TRPM3: variants seen among roughly 807,000 people sequenced by gnomAD.
TRPM3 encodes transient receptor potential cation channel subfamily M member 3, also known as long transient receptor potential channel 3.
In TRPM3, 77 loss-of-function variants were observed where a neutral mutation model predicts 181.2. That is an observed-to-expected ratio of 0.42 (90% CI 0.35 to 0.51). TRPM3 has a LOEUF of 0.51. Among genes scored for constraint, TRPM3 ranks in the 20% least tolerant of loss-of-function variants. TRPM3 has a pLI of 0.01. For missense variants in TRPM3, 1,759 were observed against 2,196.7 expected, an observed-to-expected ratio of 0.80 and a Z score of 3.98; for synonymous variants, 745 against 796.4, an observed-to-expected ratio of 0.94 and a Z score of 1.09.
rs553968376 is a variant in TRPM3, at chr9:70,626,776, T to C, written c.1633-1259A>G. Among the ~76,000 whole-genome samples the C allele has an allele frequency of 1.6e-4, 24 of 152,316 alleles. 1 individual carries two copies. The highest frequency in any genetic ancestry group is 5.8e-4 in the African/African-American group (24 of 41,574). ...CAGTCAGAAATTAATTAAAATTTTT[T>C]TGCTAACCTGAGGGTAGGTTTTCAG... On this transcript the variant is annotated intron_variant, in intron 12 of 25. Coordinates refer to ENST00000677713, the MANE Select transcript of TRPM3 (RefSeq NM_001366145.2).
chr9:71,071,705 G>A (rs2133557005), intron 1 of TRPM3, among the ~76,000 whole-genome samples: 1 of 152,296 alleles, frequency 6.6e-6, no homozygotes, highest in Non-Finnish European at 1.5e-5. Context: ...TGACTTTAGT[G>A]CCAAACAGAG....
At chr9:70,940,800 G>T (rs2096878707) in intron 1 of TRPM3, among the ~76,000 whole-genome samples, 1 of 152,098 alleles carries the variant, frequency 6.6e-6, no homozygotes, top group African/African-American at 2.4e-5. Context: ...TTATGCTGAG[G>T]GAGCACCTGG....
At chr9:71,079,005 A>G (rs2063838944) in intron 1 of TRPM3, among the ~76,000 whole-genome samples, 1 of 150,050 alleles carries the variant, frequency 6.7e-6, no homozygotes, top group Non-Finnish European at 1.5e-5. Flanking sequence ...CACCAGTTGA[A>G]TAGAATGAGC....
intron 8 of TRPM3, among the ~76,000 whole-genome samples, chr9:70,699,252 A>G (rs1272950639): frequency 6.6e-6 from 1 of 152,218 alleles, no homozygotes; most frequent in Admixed American, 6.5e-5. Context: ...AGGGCTAAGG[A>G]GACAAAGGTC....
intron 1 of TRPM3, among the ~76,000 whole-genome samples, chr9:71,349,991 ATATATATATATG>A (rs1342792169): frequency 0.018 from 393 of 22,398 alleles, 5 homozygotes; most frequent in African/African-American, 0.033. Flanking sequence ...ATATATATAT[ATATATATATATG>A]GGCCTAAAAA....
intron 1 of TRPM3, among the ~76,000 whole-genome samples, chr9:71,155,558 T>C (rs943708257): frequency 1.4e-5 from 2 of 142,748 alleles, no homozygotes; most frequent in Non-Finnish European, 1.5e-5. Context: ...TTTCACCACG[T>C]TGGCCAGGCT....
intron 1 of TRPM3, among the ~76,000 whole-genome samples, chr9:71,267,649 T>C (rs1230981007): frequency 6.6e-6 from 1 of 152,236 alleles, no homozygotes; most frequent in Non-Finnish European, 1.5e-5. Flanking sequence ...CATATTCTTT[T>C]TGAGTGATTA....
At chr9:70,923,256 C>T (rs542516792) in intron 1 of TRPM3, among the ~76,000 whole-genome samples, 5 of 152,172 alleles carry the variant, frequency 3.3e-5, no homozygotes, top group African/African-American at 1.2e-4. Context: ...CTTTTTAATA[C>T]ATGTTCATGT....
intron 1 of TRPM3, among the ~76,000 whole-genome samples, chr9:71,178,613 T>G (rs1389677919): frequency 6.6e-6 from 1 of 152,146 alleles, no homozygotes; most frequent in East Asian, 1.9e-4. Context: ...ACCATATTTC[T>G]TTAGCATATT....
rs143897323 is a variant in TRPM3, at chr9:71,213,845, A to G, written c.183+232808T>C. On this transcript the variant is annotated intron_variant, in intron 1 of 24. Transcript: ENST00000357533. ...ATGACATCATCCATTGACTTTTAAA[A>G]AGTCAAGAATAACCTACATATTTTT... Among the ~76,000 whole-genome samples the G allele has an allele frequency of 7.2e-5, 11 of 152,336 alleles. No homozygotes were observed. The East Asian group carries it at 2.1e-3, about 29-fold the overall frequency.
chr9:70,598,504 T>C lies in TRPM3; in HGVS notation c.2963A>G (p.Asn988Ser). 6.2e-7 allele frequency: 1 copy of C among 1,614,180 alleles called. No homozygotes were observed. The highest frequency in any genetic ancestry group is 8.5e-7 in the Non-Finnish European group (1 of 1,180,042). Residue 988 changes from asparagine (N) to serine (S), a missense_variant, in exon 21 of 26, where the codon AAC becomes AGC. Transcript: ENST00000677713. ...GAGACGGATATACCAGTAAATGATG[T>C]TCACGCAGTAGATGACCCTCCCGTC... ...RSDGRVIYCVNIIYWYIRLLD... is the reference protein window; with the variant it reads ...RSDGRVIYCVSIIYWYIRLLD...
intron 6 of TRPM3, among the ~76,000 whole-genome samples, chr9:70,820,103 A>T (rs1201947215): frequency 6.6e-6 from 1 of 152,216 alleles, no homozygotes; most frequent in South Asian, 2.1e-4. Context: ...ACTCTAAGAC[A>T]CTGATACAGC....
At chr9:70,696,113 G>A (rs749003105) in intron 8 of TRPM3, among the ~76,000 whole-genome samples, 6 of 152,138 alleles carry the variant, frequency 3.9e-5, no homozygotes, top group South Asian at 2.1e-4. Flanking sequence ...CTTCCCCTCC[G>A]TTCTATTCTA....
intron 16 of TRPM3, among the ~76,000 whole-genome samples, chr9:70,619,440 GTCTC>G (rs1269503270): frequency 7.5e-5 from 10 of 133,062 alleles, no homozygotes; most frequent in Middle Eastern, 9.0e-3. Flanking sequence ...TTGAGACAGG[GTCTC>G]TCTCTGTTTC....
At chr9:70,979,833 G>C (rs1558923) in intron 1 of TRPM3, among the ~76,000 whole-genome samples, 103,640 of 152,002 alleles carry the variant, frequency 0.68, 35,470 homozygotes, top group South Asian at 0.73. Context: ...CTCTCCTTTG[G>C]CTTGCAGATG....
chr9:70,695,228 T>C (rs961714055), intron 8 of TRPM3, among the ~76,000 whole-genome samples: 1 of 152,236 alleles, frequency 6.6e-6, no homozygotes, highest in Admixed American at 6.5e-5. Flanking sequence ...TGCCAGTTAG[T>C]AGCAGTATAA....
chr9:71,174,310 C>T (rs955010590), intron 1 of TRPM3, among the ~76,000 whole-genome samples: 15 of 151,988 alleles, frequency 9.9e-5, no homozygotes, highest in African/African-American at 2.7e-4. Flanking sequence ...GGGAGGCCAA[C>T]GCCAGTGGAT....
chr9:70,929,673 C>T (rs2133390618), intron 1 of TRPM3, among the ~76,000 whole-genome samples: 1 of 152,244 alleles, frequency 6.6e-6, no homozygotes, highest in East Asian at 1.9e-4. Context: ...TAAACTCTAT[C>T]CTTAACATGG....
intron 1 of TRPM3, among the ~76,000 whole-genome samples, chr9:71,432,966 A>G (rs1486221718): frequency 6.6e-6 from 1 of 152,256 alleles, no homozygotes; most frequent in East Asian, 1.9e-4. Flanking sequence ...AAGTTGGAAT[A>G]GTAATACTAA....
Sources: allele counts gnomAD v4.1 joint callset (sites outside exome capture counted in the v4.1 genomes callset), GRCh38; gene constraint gnomAD v4.1.1; transcripts MANE v1.5; gene names NCBI Gene and HGNC (gene_info 2026-07-23, HGNC 2026-07-21).